Variants in SLA observed in about 807,000 individuals in gnomAD.
The protein encoded by SLA is Src like adaptor, also known as src-like-adapter.
Under a neutral mutation model 30.3 loss-of-function variants are expected in SLA, and 16 were observed. That is an observed-to-expected ratio of 0.53 (90% CI 0.36 to 0.80). The LOEUF is 0.80. SLA is among the 30% of genes least tolerant of loss of function. The pLI, the probability that SLA is intolerant of heterozygous loss-of-function variation, is 0.01. For missense variants in SLA, 310 were observed against 345.2 expected, an observed-to-expected ratio of 0.90 and a Z score of 0.81; for synonymous variants, 143 against 137.8, an observed-to-expected ratio of 1.04 and a Z score of -0.26.
intron 3 of SLA, among the ~76,000 whole-genome samples, chr8:133,057,855 T>TG: frequency 6.6e-6 from 1 of 152,040 alleles, no homozygotes; most frequent in Non-Finnish European, 1.5e-5. Context: ...AAGAATGATC[T>TG]CCCAAAAGCT....
At chr8:133,068,388 G>A (rs927410891) in intron 2 of SLA, among the ~76,000 whole-genome samples, 1 of 152,244 alleles carries the variant, frequency 6.6e-6, no homozygotes, top group African/African-American at 2.4e-5. Context: ...GCTAAGACCA[G>A]AAGGGGATGG....
intron 3 of SLA, among the ~76,000 whole-genome samples, chr8:133,057,018 G>A (rs1841557069): frequency 2.0e-5 from 3 of 152,158 alleles, no homozygotes; most frequent in Admixed American, 2.0e-4. Context: ...GTGGTGCGAA[G>A]ACCACTTACT....
intron 2 of SLA, among the ~76,000 whole-genome samples, chr8:133,062,506 A>G (rs1842509912): frequency 6.6e-6 from 1 of 152,258 alleles, no homozygotes; most frequent in Non-Finnish European, 1.5e-5. Flanking sequence ...AGCCTTGAGG[A>G]AGTCAGGATC....
intron 1 of SLA, among the ~76,000 whole-genome samples, chr8:133,099,541 A>G (rs1848936049): frequency 6.6e-6 from 1 of 152,160 alleles, no homozygotes; most frequent in African/African-American, 2.4e-5. Flanking sequence ...TGGTTTAGCC[A>G]ATGGCCCACT....
chr8:133,053,549 G>A (rs4736619), intron 3 of SLA, among the ~76,000 whole-genome samples: 27,845 of 152,102 alleles, frequency 0.18, 2,761 homozygotes, highest in Admixed American at 0.22. Context: ...TGCAAAAAAC[G>A]TGTTGAAATG....
At chr8:133,101,886 C>G (rs1177515919) in intron 1 of SLA, among the ~76,000 whole-genome samples, 2 of 152,310 alleles carry the variant, frequency 1.3e-5, no homozygotes, top group Admixed American at 6.5e-5. Flanking sequence ...GGACCCCGCT[C>G]CCTTGGTCAT....
intron 1 of SLA, among the ~76,000 whole-genome samples, chr8:133,088,341 A>T (rs548074721): frequency 6.6e-6 from 1 of 152,132 alleles, no homozygotes; most frequent in African/African-American, 2.4e-5. Context: ...CCAGCCGCTC[A>T]TGAGTGGAAT....
intron 5 of SLA, among the ~76,000 whole-genome samples, chr8:133,048,177 C>A (rs1353546283): frequency 6.6e-6 from 1 of 152,132 alleles, no homozygotes; most frequent in Non-Finnish European, 1.5e-5. Flanking sequence ...CTGGGACATC[C>A]AATTCCATAA....
rs200142762 is a variant in SLA, at chr8:133,076,014, G to T, written c.-318-884C>A. On this transcript the variant is annotated intron_variant, in intron 1 of 8. Coordinates refer to ENST00000338087, the MANE Select transcript of SLA (RefSeq NM_001045556.3). ...TATAAAATCTCCCTACTTACAGTACGTGAGTCTCAAGCAGAGAAACTCAGG... is the reference window on the plus strand; with the variant it reads ...TATAAAATCTCCCTACTTACAGTACTTGAGTCTCAAGCAGAGAAACTCAGG... 22 of 152,208 alleles carry T rather than the reference G, an allele frequency of 1.4e-4. No homozygotes were observed. In the East Asian group the frequency reaches 2.9e-3, roughly 20 times the overall value. The allele number at this position is 152,208 out of a possible 1,614,324, so 9.4% of individuals were successfully genotyped here.
intron 3 of SLA, among the ~76,000 whole-genome samples, chr8:133,057,334 C>T (rs969459674): frequency 1.3e-5 from 2 of 152,144 alleles, no homozygotes; most frequent in East Asian, 1.9e-4. Context: ...CTGTACTGCC[C>T]ATGTCTGGTA....
intron 1 of SLA, among the ~76,000 whole-genome samples, chr8:133,083,387 T>C (rs796498786): frequency 8.5e-5 from 13 of 152,350 alleles, no homozygotes; most frequent in African/African-American, 2.9e-4. Context: ...CATCAATTCA[T>C]CTTAACAAAT....
At chr8:133,068,867 T>A (rs141756337) in intron 2 of SLA, among the ~76,000 whole-genome samples, 2 of 152,392 alleles carry the variant, frequency 1.3e-5, no homozygotes, top group African/African-American at 4.8e-5. Flanking sequence ...CACCACCCAG[T>A]CAGCCTGTGG....
chr8:133,071,534 C>A (rs1270146971), intron 2 of SLA, among the ~76,000 whole-genome samples: 1 of 152,102 alleles, frequency 6.6e-6, no homozygotes, highest in Non-Finnish European at 1.5e-5. Context: ...GTGGATAGAG[C>A]GGTGCAATGA....
chr8:133,045,647 G>A (rs530044287), intron 6 of SLA, among the ~76,000 whole-genome samples: 1 of 151,906 alleles, frequency 6.6e-6, no homozygotes, highest in African/African-American at 2.4e-5. Context: ...CGCCCACCTC[G>A]GCCTCCCAAA....
rs140223612 is a variant in SLA at position 133,038,314 on chromosome 8, A to G, written c.*210T>C. The G allele has an allele frequency of 4.3e-3, 2,555 of 590,004 alleles. 10 individuals are homozygous for G. The highest frequency in any genetic ancestry group is 5.4e-3 in the Non-Finnish European group (1,788 of 331,190). 36.5% of individuals were successfully genotyped at this position (590,004 alleles called of 1,614,324 possible). ...ACATGTCATGATCCAATGTTTCGTG[A>G]TGCCACAGCCCTGATCAGACACCAG... On this transcript the variant is annotated 3_prime_UTR_variant, in exon 9 of 9. Coordinates refer to ENST00000338087, the MANE Select transcript of SLA (RefSeq NM_001045556.3).
intron 1 of SLA, among the ~76,000 whole-genome samples, chr8:133,079,131 A>G (rs1019411946): frequency 2.6e-5 from 4 of 152,174 alleles, no homozygotes; most frequent in Non-Finnish European, 5.9e-5. Context: ...TGATGCCCCC[A>G]CCAAGGACGT....
rs935471167 is a variant in SLA at position 133,069,642 on chromosome 8, T to A, written c.-41+5211A>T. Reference sequence around the variant, plus strand: ...AGTGCCTTGAGAGCAGCCAGCAGGTTTGTTTCTACTCTCGGCTGGGGCTCA... The same window carrying A: ...AGTGCCTTGAGAGCAGCCAGCAGGTATGTTTCTACTCTCGGCTGGGGCTCA... On this transcript the variant is annotated intron_variant, in intron 2 of 8. Transcript: ENST00000338087. Among the ~76,000 whole-genome samples, 12 of 152,232 alleles carry A rather than the reference T, an allele frequency of 7.9e-5. 1 individual carries two copies. In the East Asian group the frequency reaches 2.3e-3, roughly 29 times the overall value.
At chr8:133,041,025 A>T (rs1452555393) in intron 7 of SLA, among the ~76,000 whole-genome samples, 2 of 152,186 alleles carry the variant, frequency 1.3e-5, no homozygotes, top group Non-Finnish European at 2.9e-5. Context: ...GCTTCTCCCT[A>T]GCCCATGTTA....
intron 1 of SLA, chr8:133,096,405 G>C (rs1455063463): frequency 1.2e-6 from 2 of 1,613,674 alleles, no homozygotes; most frequent in Non-Finnish European, 8.5e-7. Context: ...GATGTCTCCA[G>C]CTGGGCATTT....
Sources: allele counts gnomAD v4.1 joint callset (sites outside exome capture counted in the v4.1 genomes callset), GRCh38; gene constraint gnomAD v4.1.1; transcripts MANE v1.5; gene names NCBI Gene and HGNC (gene_info 2026-07-23, HGNC 2026-07-21).